The following UTP23 variants were observed in gnomAD, a reference collection of about 807,000 sequenced individuals.
UTP23 encodes rRNA-processing protein UTP23 homolog.
Under a neutral mutation model 19.8 loss-of-function variants are expected in UTP23, and 10 were observed. That is an observed-to-expected ratio of 0.50 (90% CI 0.31 to 0.86). The LOEUF (loss-of-function observed/expected upper bound fraction) is 0.86, where lower values mean the gene tolerates loss of function less well. Ranked by LOEUF, UTP23 falls within the 40% of genes least tolerant of loss-of-function variation. The pLI is 0.05. For missense variants in UTP23, 282 were observed against 293.1 expected (o/e 0.96, Z 0.28); for synonymous variants, 108 against 105.4 (o/e 1.02, Z -0.15).
intron 1 of UTP23, among the ~76,000 whole-genome samples, chr8:116,768,584 A>C (rs1318554602): frequency 6.6e-6 from 1 of 152,182 alleles, no homozygotes; most frequent in Non-Finnish European, 1.5e-5. Flanking sequence ...ATGTATCTTG[A>C]AAAGATAAAG....
chr8:116,773,552 C>G lies in UTP23; in HGVS notation c.*1710C>G. 2 of 958,958 alleles carry G rather than the reference C, an allele frequency of 2.1e-6. No individual in the cohort carries two copies. Among genetic ancestry groups the G allele is most frequent in the Non-Finnish European group, 2.5e-6 (2 of 805,956 alleles). The allele number at this position is 958,958 out of a possible 1,614,324, so 59.4% of individuals were successfully genotyped here. A position where few individuals can be genotyped will look rare whatever the true frequency, so the allele number is the denominator to read the frequency against. ...TTTGACAGGGCATGGTGGCTCACAC[C>G]TGTAATCCCAGCACTTTGGGAGGCC... On this transcript the variant is annotated 3_prime_UTR_variant, in exon 3 of 3. Transcript: ENST00000309822.
At position 116,770,069 on chromosome 8, in the gene UTP23, A is replaced by G. The variant is rs1815630621; in HGVS notation, c.189-123A>G. The stretch of plus-strand genomic sequence containing the variant: ...TTTTTCAAGTGATCTTTTAAAGTAA[A>G]TGGTTACCAGATGACAAATTTAGAT... On this transcript the variant is annotated intron_variant, in intron 1 of 2. Transcript: ENST00000309822. The G allele has an allele frequency of 1.3e-5, 12 of 933,396 alleles. No homozygotes were observed. The South Asian group carries it at 2.8e-4, about 22-fold the overall frequency. 57.8% of individuals were successfully genotyped at this position (933,396 alleles called of 1,614,324 possible). A position where few individuals can be genotyped will look rare whatever the true frequency, so the allele number is the denominator to read the frequency against.
rs1029354632 is a variant in UTP23, at chr8:116,774,413, G to A, written c.*2571G>A. On this transcript the variant is annotated 3_prime_UTR_variant, in exon 3 of 3. Coordinates refer to ENST00000309822, the MANE Select transcript of UTP23 (RefSeq NM_032334.3). ...TGGCTGTGATTTGACAGGTTTAATT[G>A]CTAGTTTTTTATAGGTGGATAGAAA... is the stretch of plus-strand genomic sequence containing the variant. The A allele has an allele frequency of 6.5e-6, 6 of 929,302 alleles. No individual in the cohort carries two copies. Among genetic ancestry groups the A allele is most frequent in the Non-Finnish European group, 7.5e-6 (6 of 796,006 alleles). The allele number at this position is 929,302 out of a possible 1,614,324, so 57.6% of individuals were successfully genotyped here. A position where few individuals can be genotyped will look rare whatever the true frequency, so the allele number is the denominator to read the frequency against.
chr8:116,771,663 A>G lies in UTP23; in HGVS notation c.571A>G (p.Ser191Gly). The G allele has an allele frequency of 6.2e-7, 1 of 1,610,758 alleles. No individual in the cohort carries two copies. Among genetic ancestry groups the G allele is most frequent in the South Asian group, 1.1e-5 (1 of 90,044 alleles). Residue 191 changes from serine to glycine, a missense_variant, in exon 3 of 3, where the codon AGT becomes GGT. Transcript: ENST00000309822. The part of the protein sequence containing the change: ...EQGLVKNTEQ[S>G]RRKKRKKISG... ...GGGTTTAGTGAAAAACACTGAACAG[A>G]GTAGAAGAAAAAAGCGCAAGAAAAT...
At chr8:116,771,424 T>G in intron 2 of UTP23, 32 bp from the exon 3 acceptor site, 2 of 1,389,630 alleles carry the variant, frequency 1.4e-6, no homozygotes, top group Non-Finnish European at 1.9e-6. Flanking sequence ...AATTGACATT[T>G]GAACTAAATA....
At chr8:116,767,635 C>T (rs1229136281) in intron 1 of UTP23, among the ~76,000 whole-genome samples, 2 of 152,120 alleles carry the variant, frequency 1.3e-5, no homozygotes, top group African/African-American at 2.4e-5. Context: ...AAAAGAATGA[C>T]ACTTCTTGTT....
At chr8:116,767,323 A>AT (rs1347302599) in intron 1 of UTP23, among the ~76,000 whole-genome samples, 1 of 152,172 alleles carries the variant, frequency 6.6e-6, no homozygotes, top group Admixed American at 6.5e-5. Context: ...CCAGGGCAAA[A>AT]AGTCAGTACT....
chr8:116,767,021 A>G (rs1815592047), intron 1 of UTP23: 1 of 468,484 alleles, frequency 2.1e-6, no homozygotes, highest in Non-Finnish European at 3.8e-6. Context: ...GAATGAGAGC[A>G]CATTATAGCA....
At chr8:116,770,092 G>T in intron 1 of UTP23, 100 bp from the exon 2 acceptor site, 1 of 1,177,262 alleles carries the variant, frequency 8.5e-7, no homozygotes, top group Non-Finnish European at 1.1e-6. Context: ...GACAAATTTA[G>T]ATTGTAACAG....
rs113962269 is a variant in UTP23, at chr8:116,769,693, A to G, written c.189-499A>G. Among the ~76,000 whole-genome samples, 95 of 152,346 alleles carry G rather than the reference A, an allele frequency of 6.2e-4. 1 individual carries two copies. The highest frequency in any genetic ancestry group is 2.0e-3 in the African/African-American group (85 of 41,582). On this transcript the variant is annotated intron_variant, in intron 1 of 2. Transcript: ENST00000309822. ...ACTCTTATGACTAAATGTTTTTTTA[A>G]AAACAACTTGATGATGTGAGAAGTT...
At chr8:116,770,479 C>T in intron 2 of UTP23, 113 bp downstream of exon 2, 2 of 1,030,490 alleles carry the variant, frequency 1.9e-6, no homozygotes, top group Admixed American at 5.7e-5. Flanking sequence ...AAAATACAGG[C>T]TTCTAAGTTA....
Position 116,772,339 on chromosome 8 carries a change from C to T in UTP23, c.*497C>T. The T allele has an allele frequency of 1.0e-6, 1 of 985,322 alleles. No individual in the cohort carries two copies. The highest frequency in any genetic ancestry group is 1.2e-6 in the Non-Finnish European group (1 of 829,842). 61.0% of individuals were successfully genotyped at this position (985,322 alleles called of 1,614,324 possible). On this transcript the variant is annotated 3_prime_UTR_variant, in exon 3 of 3. Coordinates refer to ENST00000309822, the MANE Select transcript of UTP23 (RefSeq NM_032334.3). ...ATGCAAACAGTTTTAAAAAATCTTA[C>T]AGTTCTAAAAGGCTTGTGACAAAAA...
chr8:116,767,098 C>G (rs929732061), intron 1 of UTP23, among the ~76,000 whole-genome samples: 42 of 152,300 alleles, frequency 2.8e-4, no homozygotes, highest in African/African-American at 9.9e-4. Context: ...AGTTATTTAG[C>G]CTCTCTGAGC....
At chr8:116,769,881 G>A (rs1396216720) in intron 1 of UTP23, among the ~76,000 whole-genome samples, 1 of 152,108 alleles carries the variant, frequency 6.6e-6, no homozygotes, top group Non-Finnish European at 1.5e-5. Flanking sequence ...ATCTCAGAAT[G>A]GGGTGCTCTA....
rs1245832383 is a variant in UTP23 at position 116,770,185 on chromosome 8, T to C, written c.189-7T>C. 7.0e-6 allele frequency: 11 copies of C among 1,570,784 alleles called. No homozygotes were observed. The highest frequency in any genetic ancestry group is 9.6e-6 in the Non-Finnish European group (11 of 1,151,082). On this transcript the variant is annotated splice_polypyrimidine_tract_variant and splice_region_variant and intron_variant, in intron 1 of 2. Transcript: ENST00000309822. ...TGAAATGTATCTGCTATAATTTTTC[T>C]TTTCAGATGTGTGTTAAAAGAGCTA...
At chr8:116,767,487 C>A (rs1382712745) in intron 1 of UTP23, among the ~76,000 whole-genome samples, 2 of 152,174 alleles carry the variant, frequency 1.3e-5, no homozygotes, top group African/African-American at 4.8e-5. Context: ...TTCCCCACTT[C>A]ATTGAAATGT....
chr8:116,772,157 G>T lies in UTP23; in HGVS notation c.*315G>T. ...AGTTCGTGTCACTTCACTCCAGCCTGGGCAACAGAGTGAGAACATGTCTCA... is the reference window on the plus strand; with the variant it reads ...AGTTCGTGTCACTTCACTCCAGCCTTGGCAACAGAGTGAGAACATGTCTCA... On this transcript the variant is annotated 3_prime_UTR_variant, in exon 3 of 3. Coordinates refer to ENST00000309822, the MANE Select transcript of UTP23 (RefSeq NM_032334.3). 1 of 1,032,190 alleles carries T rather than the reference G, an allele frequency of 9.7e-7. No individual in the cohort carries two copies. The allele number at this position is 1,032,190 out of a possible 1,614,324, so 63.9% of individuals were successfully genotyped here.
intron 1 of UTP23, among the ~76,000 whole-genome samples, chr8:116,769,823 G>A (rs1192086324): frequency 1.3e-5 from 2 of 152,216 alleles, no homozygotes; most frequent in African/African-American, 2.4e-5. Flanking sequence ...CAAACTGCAA[G>A]TCTCGGTACC....
intron 1 of UTP23, among the ~76,000 whole-genome samples, chr8:116,769,541 A>C (rs1815624848): frequency 6.6e-6 from 1 of 152,236 alleles, no homozygotes. Flanking sequence ...GGACATCCAC[A>C]GGCTGGCAGT....
Sources: gnomAD v4.1 joint callset for allele counts (sites outside exome capture counted in the v4.1 genomes callset) on GRCh38, gnomAD v4.1.1 for gene constraint, MANE v1.5 for transcripts, NCBI Gene and HGNC (gene_info 2026-07-23, HGNC 2026-07-21) for gene names.